COL15A1: variants seen among roughly 807,000 people sequenced by gnomAD.
COL15A1 encodes collagen alpha-1(XV) chain.
A neutral mutation model predicts 165.9 loss-of-function variants in COL15A1; 111 were observed. The observed-to-expected ratio is 0.67, with a 90% confidence interval of 0.57 to 0.78. The LOEUF is 0.78. Among genes scored for constraint, COL15A1 ranks in the 30% least tolerant of loss-of-function variants. COL15A1 has a pLI of 0.00. For missense variants in COL15A1, 1,745 were observed against 1,789.7 expected (o/e 0.98, Z 0.45); for synonymous variants, 659 against 674.8 (o/e 0.98, Z 0.36).
At chr9:99,056,466 C>T (rs1588537038) in intron 35 of COL15A1, 62 bp downstream of exon 35, 1 of 1,517,286 alleles carries the variant, frequency 6.6e-7, no homozygotes, top group Non-Finnish European at 8.8e-7. Flanking sequence ...AAGGTCACAG[C>T]ATCTGGGTGG....
intron 9 of COL15A1, among the ~76,000 whole-genome samples, chr9:99,007,364 C>T (rs933716562): frequency 1.3e-5 from 2 of 152,142 alleles, no homozygotes; most frequent in South Asian, 4.1e-4. Flanking sequence ...TCATTTTTCC[C>T]TTTGGCTTAG....
At chr9:99,050,844 G>A (rs1839575491) in intron 30 of COL15A1, among the ~76,000 whole-genome samples, 1 of 152,174 alleles carries the variant, frequency 6.6e-6, no homozygotes, top group Admixed American at 6.5e-5. Context: ...CCTTCAAAAT[G>A]ACGCAGTTTG....
rs181437695 is a variant in COL15A1, at chr9:99,065,318, A to G, written c.3652-1564A>G. 4.6e-5 allele frequency among the ~76,000 whole-genome samples: 7 copies of G among 152,138 alleles called. No individual in the cohort carries two copies. The East Asian group carries it at 1.2e-3, about 25-fold the overall frequency. Reference sequence around the variant, plus strand: ...ATTCCATCAAGGCCTCGTGTGATGCACTCTGATGTAGCCCCAAAGCACACT... The same window carrying G: ...ATTCCATCAAGGCCTCGTGTGATGCGCTCTGATGTAGCCCCAAAGCACACT... On this transcript the variant is annotated intron_variant, in intron 39 of 41. Coordinates refer to ENST00000375001, the MANE Select transcript of COL15A1 (RefSeq NM_001855.5).
chr9:98,947,912 G>A (rs534956720), intron 2 of COL15A1, among the ~76,000 whole-genome samples: 1 of 152,112 alleles, frequency 6.6e-6, no homozygotes, highest in African/African-American at 2.4e-5. Context: ...GGAAAACCTG[G>A]GTTCCACTCA....
At chr9:99,053,267 G>A (rs941587479) in intron 31 of COL15A1, among the ~76,000 whole-genome samples, 4 of 152,228 alleles carry the variant, frequency 2.6e-5, no homozygotes, top group African/African-American at 7.2e-5. Context: ...CCCGGCCCAC[G>A]AGGTGGTGGT....
At chr9:98,967,472 G>A (rs1837975533) in intron 2 of COL15A1, among the ~76,000 whole-genome samples, 1 of 152,196 alleles carries the variant, frequency 6.6e-6, no homozygotes, top group African/African-American at 2.4e-5. Context: ...CTTCCTGCTG[G>A]CCAGCCTTCT....
At chr9:99,036,505 C>A (rs781340290) in intron 21 of COL15A1, 109 bp downstream of exon 21, 6 of 1,128,910 alleles carry the variant, frequency 5.3e-6, no homozygotes, top group South Asian at 1.5e-5. Context: ...AGGCATGTAG[C>A]CAGTGCCTGG....
chr9:98,960,351 G>A (rs926810885), intron 2 of COL15A1, among the ~76,000 whole-genome samples: 1 of 152,026 alleles, frequency 6.6e-6, no homozygotes, highest in African/African-American at 2.4e-5. Context: ...AGTGAGCCGA[G>A]GTCACACCAC....
At chr9:99,057,521 A>G (rs1825739932) in intron 35 of COL15A1, among the ~76,000 whole-genome samples, 1 of 152,200 alleles carries the variant, frequency 6.6e-6, no homozygotes. Flanking sequence ...GCATTTTGCT[A>G]ATCACTTTGC....
Position 99,036,278 on chromosome 9 carries a change from T to C in COL15A1, c.2326-35T>C, listed in dbSNP as rs1338949688. The C allele has an allele frequency of 1.9e-6, 3 of 1,613,888 alleles. No individual in the cohort carries two copies. In the African/African-American group the frequency reaches 4.0e-5, roughly 22 times the overall value. On this transcript the variant is annotated intron_variant, in intron 20 of 41. Coordinates refer to ENST00000375001, the MANE Select transcript of COL15A1 (RefSeq NM_001855.5). The stretch of plus-strand genomic sequence containing the variant: ...TTCTGGGAGCATTATCGCTGTACAG[T>C]GAATTTTTTTCTCACTTCTTGCTGC...
At chr9:98,997,981 T>C (rs1838578294) in intron 6 of COL15A1, 1 of 152,228 alleles carries the variant, frequency 6.6e-6, no homozygotes, top group South Asian at 2.1e-4. Flanking sequence ...CATTCATACA[T>C]ACAGCCCTGA....
chr9:99,047,891 G>C (rs1240434562), intron 27 of COL15A1, 50 bp from the exon 28 acceptor site: 1 of 1,611,164 alleles, frequency 6.2e-7, no homozygotes, highest in Non-Finnish European at 8.5e-7. Context: ...ACGTGGGCCA[G>C]GCTGGTCTGT....
intron 30 of COL15A1, among the ~76,000 whole-genome samples, chr9:99,051,224 C>T (rs12216916): frequency 0.08 from 12,115 of 152,230 alleles, 690 homozygotes; most frequent in Middle Eastern, 0.14. Context: ...CACAGAACAG[C>T]ACTTGACAAA....
chr9:99,068,865 T>C (rs1323970899), intron 41 of COL15A1, among the ~76,000 whole-genome samples, 195 bp downstream of exon 41: 2 of 152,236 alleles, frequency 1.3e-5, no homozygotes, highest in African/African-American at 4.8e-5. Flanking sequence ...TATGGAATCC[T>C]GGGCAAGACA....
intron 30 of COL15A1, among the ~76,000 whole-genome samples, chr9:99,050,190 A>T (rs1214117872): frequency 6.6e-6 from 1 of 152,224 alleles, no homozygotes; most frequent in East Asian, 1.9e-4. Context: ...AGTAGTATAA[A>T]ACTGGGAAAA....
intron 25 of COL15A1, 27 bp downstream of exon 25, chr9:99,044,663 C>T (rs370463784): frequency 1.8e-5 from 29 of 1,611,918 alleles, no homozygotes; most frequent in Middle Eastern, 1.6e-4. Context: ...ACCCTGCAGG[C>T]ACATATCTGC....
At chr9:98,991,335 C>T (rs1321135147) in intron 5 of COL15A1, among the ~76,000 whole-genome samples, 1 of 152,146 alleles carries the variant, frequency 6.6e-6, no homozygotes, top group Non-Finnish European at 1.5e-5. Flanking sequence ...CTGATTGGTC[C>T]GTTTTACAGA....
At chr9:98,969,296 T>G (rs545802624) in intron 2 of COL15A1, among the ~76,000 whole-genome samples, 11 of 152,344 alleles carry the variant, frequency 7.2e-5, no homozygotes, top group African/African-American at 2.6e-4. Context: ...CTTGGCCCTC[T>G]GCTCAGTGTT....
chr9:99,009,534 GA>G lies in COL15A1; in HGVS notation c.1353+4488del, dbSNP rs35364496. On this transcript the variant is annotated intron_variant, in intron 9 of 41. Transcript: ENST00000375001. The stretch of plus-strand genomic sequence containing the variant: ...TCAGAAGAAAAGCTTTCTTGGTTCT[GA>G]AAATCAAAAAATTAATGGGACCTAA... Among the ~76,000 whole-genome samples, 3 of 152,060 alleles carry G rather than the reference GA, an allele frequency of 2.0e-5. No individual in the cohort carries two copies. In the South Asian group the frequency reaches 6.2e-4, roughly 31 times the overall value.
Sources: gnomAD v4.1 joint callset for allele counts (sites outside exome capture counted in the v4.1 genomes callset) on GRCh38, gnomAD v4.1.1 for gene constraint, MANE v1.5 for transcripts, NCBI Gene and HGNC (gene_info 2026-07-23, HGNC 2026-07-21) for gene names.